PRH1: variants seen among roughly 807,000 people sequenced by gnomAD.
PRH1 encodes salivary acidic proline-rich phosphoprotein 1/2.
A neutral mutation model predicts 7.9 loss-of-function variants in PRH1; 7 were observed. The observed-to-expected ratio is 0.89, with a 90% CI of 0.50 to 1.67. The LOEUF is 1.67. Ranked by LOEUF, PRH1 falls within the 40% of genes most tolerant of loss-of-function variation. The pLI, the probability that PRH1 is intolerant of heterozygous loss-of-function variation, is 0.00. For synonymous variants in PRH1, 45 were observed against 80.8 expected, an observed-to-expected ratio of 0.56 and a Z score of 2.38; for missense variants, 109 against 223.6, an observed-to-expected ratio of 0.49 and a Z score of 3.27.
At chr12:11,031,428 A>C (rs1381852629) in intron 1 of PRH1, 2 of 1,445,848 alleles carry the variant, frequency 1.4e-6, no homozygotes, top group African/African-American at 1.4e-5. Flanking sequence ...GACTTCAAAA[A>C]TGGAGCCACC....
At chr12:11,026,746 T>C (rs1469493934) in intron 1 of PRH1, among the ~76,000 whole-genome samples, 1 of 152,192 alleles carries the variant, frequency 6.6e-6, no homozygotes, top group Non-Finnish European at 1.5e-5. Flanking sequence ...CACTCACAAA[T>C]GCTTTCCAGG....
At chr12:11,019,583 T>TA (rs1941485188) in intron 1 of PRH1, among the ~76,000 whole-genome samples, 1 of 152,290 alleles carries the variant, frequency 6.6e-6, no homozygotes, top group African/African-American at 2.4e-5. Flanking sequence ...GGTGACTGGT[T>TA]ACAAACTCAA....
intron 1 of PRH1, among the ~76,000 whole-genome samples, chr12:11,140,465 G>A (rs1192847885): frequency 1.3e-5 from 2 of 152,116 alleles, no homozygotes; most frequent in Admixed American, 6.6e-5. Flanking sequence ...TAACTTCTAT[G>A]TGTAACTGAT....
intron 1 of PRH1, among the ~76,000 whole-genome samples, chr12:10,979,914 C>T (rs1939274969): frequency 6.6e-6 from 1 of 152,068 alleles, no homozygotes; most frequent in South Asian, 2.1e-4. Flanking sequence ...GTAGGAGAAA[C>T]AGATTTGGGG....
At chr12:10,940,202 C>A (rs1452111358) in intron 2 of PRH1, among the ~76,000 whole-genome samples, 1 of 152,044 alleles carries the variant, frequency 6.6e-6, no homozygotes, top group Non-Finnish European at 1.5e-5. Flanking sequence ...CAAGTACATG[C>A]CCAGCAAACA....
chr12:10,925,481 T>C (rs570657384), intron 2 of PRH1, among the ~76,000 whole-genome samples: 10 of 152,286 alleles, frequency 6.6e-5, no homozygotes, highest in Non-Finnish European at 1.5e-4. Flanking sequence ...AATGCTAATA[T>C]GGCTCAGCAG....
At chr12:10,982,076 G>A (rs977178609) in intron 1 of PRH1, among the ~76,000 whole-genome samples, 24 of 152,042 alleles carry the variant, frequency 1.6e-4, no homozygotes, top group Admixed American at 1.0e-3. Context: ...TGAGTTCATC[G>A]TAGTTACCCC....
At chr12:11,037,806 G>A (rs1386374303) in intron 1 of PRH1, among the ~76,000 whole-genome samples, 1 of 152,258 alleles carries the variant, frequency 6.6e-6, no homozygotes, top group Non-Finnish European at 1.5e-5. Context: ...TTGAAAGGCT[G>A]AGGGAGGTGG....
At chr12:10,933,557 A>G (rs1565481143) in intron 2 of PRH1, among the ~76,000 whole-genome samples, 1 of 152,114 alleles carries the variant, frequency 6.6e-6, no homozygotes, top group Non-Finnish European at 1.5e-5. Context: ...AGGAATGTTA[A>G]GGAATGTTCA....
At chr12:10,883,598 G>A (rs1443903564) in intron 1 of PRH1, among the ~76,000 whole-genome samples, 1 of 152,182 alleles carries the variant, frequency 6.6e-6, no homozygotes, top group Non-Finnish European at 1.5e-5. Context: ...ACCAGACATA[G>A]CCACTTGGAT....
intron 1 of PRH1, chr12:10,986,075 C>G: frequency 1.2e-6 from 2 of 1,614,040 alleles, no homozygotes; most frequent in Non-Finnish European, 1.7e-6. Context: ...CCTTGCTAAC[C>G]ATGACAACCG....
chr12:11,068,020 T>C (rs1219429076), intron 1 of PRH1, among the ~76,000 whole-genome samples: 1 of 127,528 alleles, frequency 7.8e-6, no homozygotes, highest in East Asian at 2.0e-4. Context: ...ATGTTTCTGC[T>C]TTTTTAACTT....
At chr12:10,921,872 T>A (rs1232795017) in intron 2 of PRH1, among the ~76,000 whole-genome samples, 1 of 152,164 alleles carries the variant, frequency 6.6e-6, no homozygotes, top group African/African-American at 2.4e-5. Context: ...GCTCAAGTGA[T>A]CCTTCCACCT....
intron 1 of PRH1, among the ~76,000 whole-genome samples, chr12:11,169,308 A>T (rs2416547): frequency 0.46 from 69,245 of 152,060 alleles, 16,561 homozygotes; most frequent in Non-Finnish European, 0.53. Context: ...GCAGATAAAA[A>T]CTACAACCAC....
chr12:10,902,711 A>G (rs967682687), intron 2 of PRH1, among the ~76,000 whole-genome samples: 1 of 152,160 alleles, frequency 6.6e-6, no homozygotes, highest in Non-Finnish European at 1.5e-5. Context: ...TTGGAGGCCT[A>G]CTTTCAGCAT....
intron 1 of PRH1, among the ~76,000 whole-genome samples, chr12:10,989,099 C>G (rs184744043): frequency 6.6e-6 from 1 of 152,164 alleles, no homozygotes; most frequent in Admixed American, 6.5e-5. Context: ...TGAGCCACCG[C>G]GCCTGGCCTT....
At chr12:10,969,631 G>GT (rs1938694553) in intron 2 of PRH1, among the ~76,000 whole-genome samples, 1 of 151,320 alleles carries the variant, frequency 6.6e-6, no homozygotes, top group East Asian at 1.9e-4. Flanking sequence ...CTGCTCTTTG[G>GT]TTTTTCTGTT....
chr12:11,044,336 T>A (rs1942832017), intron 1 of PRH1, among the ~76,000 whole-genome samples: 2 of 152,046 alleles, frequency 1.3e-5, no homozygotes, highest in Non-Finnish European at 2.9e-5. Context: ...GAAGCTCCCA[T>A]AAGAAAACTT....
In PRH1 at chr12:10,997,855, A is replaced by T. The variant is rs773821258; in HGVS notation, c.-125-24134T>A. The T allele has an allele frequency of 1.0e-5, 16 of 1,601,190 alleles. No individual in the cohort carries two copies. The Admixed American group carries it at 1.0e-4, about 10-fold the overall frequency. Reference sequence around the variant, plus strand: ...CAACCACTACTAGAATGGAAAAAACAATGTGTAGAAAACTCATCATGTCTA... The same window carrying T: ...CAACCACTACTAGAATGGAAAAAACTATGTGTAGAAAACTCATCATGTCTA... On this transcript the variant is annotated intron_variant, in intron 1 of 3. Coordinates refer to the PRH1 transcript ENST00000539853.
Sources: allele counts gnomAD v4.1 joint callset (sites outside exome capture counted in the v4.1 genomes callset), GRCh38; gene constraint gnomAD v4.1.1; transcripts MANE v1.5; gene names NCBI Gene and HGNC (gene_info 2026-07-23, HGNC 2026-07-21).